CSNK2A1: variants seen among roughly 807,000 people sequenced by gnomAD.
CSNK2A1 encodes the protein casein kinase 2 alpha 1.
A neutral mutation model predicts 62.9 loss-of-function variants in CSNK2A1; 10 were observed. The observed-to-expected ratio is 0.16, with a 90% CI of 0.10 to 0.27. The LOEUF (loss-of-function observed/expected upper bound fraction) is 0.27. CSNK2A1 is among the 10% of genes least tolerant of loss of function. The pLI, the probability that CSNK2A1 is intolerant of heterozygous loss-of-function variation, is 1.00. For missense variants in CSNK2A1, 160 were observed against 492.0 expected, an observed-to-expected ratio of 0.33 and a Z score of 6.38; for synonymous variants, 124 against 167.8, an observed-to-expected ratio of 0.74 and a Z score of 2.02.
intron 1 of CSNK2A1, among the ~76,000 whole-genome samples, chr20:532,711 C>G (rs1185908452): frequency 6.6e-6 from 1 of 151,962 alleles, no homozygotes; most frequent in Non-Finnish European, 1.5e-5. Context: ...CCTGAATAGT[C>G]AAAATCCATG....
At chr20:535,034 CAAAAAAAAAAAAAAAAA>C (rs11469217) in intron 1 of CSNK2A1, among the ~76,000 whole-genome samples, 7 of 50,760 alleles carry the variant, frequency 1.4e-4, no homozygotes, top group East Asian at 6.5e-4. Flanking sequence ...TGCTATCTCC[CAAAAAAAAAAAAAAAAA>C]AAAAAAAAAA....
At chr20:534,416 C>G (rs1172486704) in intron 1 of CSNK2A1, among the ~76,000 whole-genome samples, 2 of 152,132 alleles carry the variant, frequency 1.3e-5, no homozygotes, top group African/African-American at 4.8e-5. Flanking sequence ...GGCTGGCCAC[C>G]AGGCCACAAT....
chr20:517,859 C>T (rs1381626552), intron 2 of CSNK2A1, among the ~76,000 whole-genome samples: 3 of 152,080 alleles, frequency 2.0e-5, no homozygotes, highest in Admixed American at 1.3e-4. Context: ...GGTCAGCAAC[C>T]TTTTTATATC....
rs573370751 is a variant in CSNK2A1, at chr20:484,694, T to TGTGTGTGTGTG, written c.1061-619_1061-618insCACACACACAC. Among the ~76,000 whole-genome samples, 513 of 147,706 alleles carry TGTGTGTGTGTG rather than the reference T, an allele frequency of 3.5e-3. 5 individuals carry two copies. Among genetic ancestry groups the TGTGTGTGTGTG allele is most frequent in the African/African-American group, 0.012 (496 of 39,838 alleles). Reference sequence around the variant, plus strand: ...TTCTTCCACCTCTCTAATCATGTTTTTGTGTGTGTGTGTGTGTGTGTGTGT... The same window carrying TGTGTGTGTGTG: ...TTCTTCCACCTCTCTAATCATGTTTTGTGTGTGTGTGTGTGTGTGTGTGTGTGTGTGTGTGT... On this transcript the variant is annotated intron_variant, in intron 13 of 13. Transcript: ENST00000217244.
At chr20:531,256 T>C (rs2019206935) in intron 1 of CSNK2A1, among the ~76,000 whole-genome samples, 2 of 152,168 alleles carry the variant, frequency 1.3e-5, no homozygotes, top group Non-Finnish European at 2.9e-5. Flanking sequence ...ACAATGACTC[T>C]TCATTCCTGC....
intron 1 of CSNK2A1, 91 bp downstream of exon 1, chr20:543,581 T>C: frequency 5.0e-6 from 2 of 397,200 alleles, no homozygotes; most frequent in Admixed American, 4.4e-5. Flanking sequence ...CTCAGGAGTC[T>C]GCTGGAAGCG....
chr20:495,817 G>C lies in CSNK2A1; in HGVS notation c.427-15C>G, dbSNP rs890947409. 2 of 1,610,172 alleles carry C rather than the reference G, an allele frequency of 1.2e-6. No homozygotes were observed. Among genetic ancestry groups the C allele is most frequent in the East Asian group, 4.5e-5 (2 of 44,842 alleles). On this transcript the variant is annotated splice_polypyrimidine_tract_variant and intron_variant, in intron 7 of 13. Transcript: ENST00000217244. ...TAATCCAGGGCCTGTGGGATGAACGGGTCAGAAAGGAGTTAGCCTGAATAA... is the reference window on the plus strand; with the variant it reads ...TAATCCAGGGCCTGTGGGATGAACGCGTCAGAAAGGAGTTAGCCTGAATAA...
chr20:512,772 A>C (rs2018750625), intron 2 of CSNK2A1, among the ~76,000 whole-genome samples: 1 of 152,268 alleles, frequency 6.6e-6, no homozygotes, highest in Non-Finnish European at 1.5e-5. Flanking sequence ...AAGTAATTCA[A>C]GTACCAAAAG....
intron 1 of CSNK2A1, among the ~76,000 whole-genome samples, chr20:538,215 G>A (rs2019375381): frequency 6.6e-6 from 1 of 152,136 alleles, no homozygotes; most frequent in Non-Finnish European, 1.5e-5. Context: ...TCAAAGAACT[G>A]GGATTACAGG....
At chr20:521,650 A>G (rs977458175) in intron 2 of CSNK2A1, among the ~76,000 whole-genome samples, 4 of 152,352 alleles carry the variant, frequency 2.6e-5, no homozygotes, top group African/African-American at 7.2e-5. Flanking sequence ...AAACAGAAAC[A>G]ACCAAGGTGT....
chr20:537,211 T>C (rs905668963), intron 1 of CSNK2A1, among the ~76,000 whole-genome samples: 1 of 152,128 alleles, frequency 6.6e-6, no homozygotes, highest in Non-Finnish European at 1.5e-5. Context: ...ATGTCACACA[T>C]AAAAAATTAT....
rs990282509 is a variant in CSNK2A1, at chr20:483,814, T to A, written c.*147A>T. On this transcript the variant is annotated 3_prime_UTR_variant, in exon 14 of 14. Coordinates refer to ENST00000217244, the MANE Select transcript of CSNK2A1 (RefSeq NM_177559.3). ...AATCAGCCTATTATAATTTTTTTTT[T>A]ATGACTGAACTACTATAAATCCACA... 1 of 511,536 alleles carries A rather than the reference T, an allele frequency of 2.0e-6. No homozygotes were observed. Among genetic ancestry groups the A allele is most frequent in the Non-Finnish European group, 3.1e-6 (1 of 320,850 alleles). 31.7% of individuals were successfully genotyped at this position (511,536 alleles called of 1,614,324 possible). A position where few individuals can be genotyped will look rare whatever the true frequency, so the allele number is the denominator to read the frequency against.
At position 488,844 on chromosome 20, in the gene CSNK2A1, A is replaced by G; in HGVS notation, c.724-66T>C. On this transcript the variant is annotated intron_variant, in intron 10 of 13. Coordinates refer to ENST00000217244, the MANE Select transcript of CSNK2A1 (RefSeq NM_177559.3). ...TTATATTAACAAATCAACAATTAAC[A>G]ATGATTGAATTTACATAAACGGGTC... is the stretch of plus-strand genomic sequence containing the variant. The G allele has an allele frequency of 2.1e-6, 3 of 1,435,442 alleles. No homozygotes were observed. In the Admixed American group the frequency reaches 5.7e-5, roughly 27 times the overall value. 88.9% of individuals were successfully genotyped at this position (1,435,442 alleles called of 1,614,324 possible). A position where few individuals can be genotyped will look rare whatever the true frequency, so the allele number is the denominator to read the frequency against.
intron 9 of CSNK2A1, among the ~76,000 whole-genome samples, 182 bp downstream of exon 9, chr20:492,072 G>A (rs1256393466): frequency 6.6e-6 from 1 of 152,060 alleles, no homozygotes; most frequent in Non-Finnish European, 1.5e-5. Flanking sequence ...GACAATAAAA[G>A]TAATGTAAGT....
chr20:533,921 A>G (rs1291172143), intron 1 of CSNK2A1, among the ~76,000 whole-genome samples: 2 of 152,236 alleles, frequency 1.3e-5, no homozygotes, highest in African/African-American at 4.8e-5. Context: ...TATAGTCATC[A>G]TCTATACACC....
intron 1 of CSNK2A1, among the ~76,000 whole-genome samples, chr20:530,512 A>T (rs1198365277): frequency 7.0e-6 from 1 of 143,704 alleles, no homozygotes; most frequent in Non-Finnish European, 1.5e-5. Flanking sequence ...TCTGTCACCC[A>T]GGCTGGAGTG....
At chr20:496,838 A>G (rs894845046) in intron 7 of CSNK2A1, 1 of 152,228 alleles carries the variant, frequency 6.6e-6, no homozygotes, top group Admixed American at 6.5e-5. Context: ...TAAATTTTCA[A>G]TTAGCATCTA....
rs546449696 is a variant in CSNK2A1, at chr20:475,921, C to T, written c.*8040G>A. 6.6e-5 allele frequency: 10 copies of T among 152,362 alleles called. No individual in the cohort carries two copies. Among genetic ancestry groups the T allele is most frequent in the Admixed American group, 6.5e-4 (10 of 15,300 alleles). 9.4% of individuals were successfully genotyped at this position (152,362 alleles called of 1,614,324 possible). A position where few individuals can be genotyped will look rare whatever the true frequency, so the allele number is the denominator to read the frequency against. ...AGCCGACCCACAACCTGAAAAACAG[C>T]TGCTTGGGCTGAACTTGATCTAGAT... On this transcript the variant is annotated 3_prime_UTR_variant, in exon 14 of 14. Coordinates refer to ENST00000217244, the MANE Select transcript of CSNK2A1 (RefSeq NM_177559.3).
At chr20:503,708 C>T in intron 4 of CSNK2A1, 1 of 398,546 alleles carries the variant, frequency 2.5e-6, no homozygotes, top group South Asian at 1.3e-4. Flanking sequence ...GCACAAAAAT[C>T]AATGACAGGA....
Sources: allele counts gnomAD v4.1 joint callset (sites outside exome capture counted in the v4.1 genomes callset), GRCh38; gene constraint gnomAD v4.1.1; transcripts MANE v1.5; gene names NCBI Gene and HGNC (gene_info 2026-07-23, HGNC 2026-07-21).